The following SAMD5 variants were observed in gnomAD, a reference collection of about 807,000 sequenced individuals.
SAMD5 encodes the protein sterile alpha motif domain-containing protein 5.
A neutral mutation model predicts 11.3 loss-of-function variants in SAMD5; 13 were observed. That is an observed-to-expected ratio of 1.15 (90% confidence interval 0.75 to 1.83). The LOEUF is 1.83. Ranked by LOEUF, SAMD5 falls within the 40% of genes most tolerant of loss-of-function variation. The probability of loss-of-function intolerance (pLI) is 0.00; values close to 1 mark genes in which losing one functional copy is unlikely to be tolerated. For missense variants in SAMD5, 255 were observed against 239.1 expected, an observed-to-expected ratio of 1.07 and a Z score of -0.44; for synonymous variants, 129 against 111.3, an observed-to-expected ratio of 1.16 and a Z score of -1.00.
At chr6:147,783,550 C>G in the SAMD5 span, among the ~76,000 whole-genome samples, 5 of 151,902 alleles carry the variant, frequency 3.3e-5, no homozygotes, top group Non-Finnish European at 5.9e-5. Context: ...CCCACCACCA[C>G]GCCTGGCTAA....
At chr6:147,726,897 T>G (rs747561506) in intron 1 of SAMD5, among the ~76,000 whole-genome samples, 3 of 152,254 alleles carry the variant, frequency 2.0e-5, no homozygotes, top group Non-Finnish European at 4.4e-5. Flanking sequence ...TCTGCCTTAC[T>G]TCTTCTGTCA....
downstream of SAMD5, among the ~76,000 whole-genome samples, chr6:147,737,773 A>G (rs1019080606): frequency 7.1e-6 from 1 of 141,836 alleles, no homozygotes; most frequent in African/African-American, 2.7e-5. Context: ...TGTTATATAT[A>G]TATATATTAC....
intron 1 of SAMD5, 65 bp downstream of exon 1, chr6:147,509,452 T>G (rs1788054242): frequency 2.8e-6 from 4 of 1,418,058 alleles, no homozygotes; most frequent in Middle Eastern, 4.2e-4. Flanking sequence ...CAGCTGCCTG[T>G]GCCAAGGCTT....
chr6:147,678,957 T>C (rs1427370352), intron 1 of SAMD5, among the ~76,000 whole-genome samples: 2 of 152,142 alleles, frequency 1.3e-5, no homozygotes, highest in Non-Finnish European at 2.9e-5. Flanking sequence ...GTCTCAATAG[T>C]TCATTGCTTT....
chr6:147,825,068 G>A, the SAMD5 span, among the ~76,000 whole-genome samples: 31 of 152,182 alleles, frequency 2.0e-4, no homozygotes, highest in Non-Finnish European at 2.1e-4. Flanking sequence ...GCCGAGGTAG[G>A]GGGATCATCT....
chr6:147,750,897 G>C, the SAMD5 span, among the ~76,000 whole-genome samples: 2 of 152,170 alleles, frequency 1.3e-5, no homozygotes, highest in African/African-American at 4.8e-5. Flanking sequence ...ACTCCAGCCT[G>C]GTGACATTGC....
the SAMD5 span, among the ~76,000 whole-genome samples, chr6:147,896,245 G>A: frequency 6.6e-6 from 1 of 152,242 alleles, no homozygotes; most frequent in Admixed American, 6.5e-5. Context: ...GGTGGGTGTG[G>A]TGTGTCAGGG....
At chr6:147,898,696 G>C in the SAMD5 span, among the ~76,000 whole-genome samples, 8 of 152,224 alleles carry the variant, frequency 5.3e-5, no homozygotes, top group African/African-American at 1.9e-4. Context: ...AATTTGGGGA[G>C]AGCCTTGCTG....
intron 1 of SAMD5, among the ~76,000 whole-genome samples, chr6:147,734,377 T>C (rs1791760527): frequency 6.6e-6 from 1 of 152,144 alleles, no homozygotes; most frequent in African/African-American, 2.4e-5. Flanking sequence ...TTTGCCTCTT[T>C]CTGTGAAGAT....
the SAMD5 span, among the ~76,000 whole-genome samples, chr6:147,755,767 C>G: frequency 6.6e-6 from 1 of 152,004 alleles, no homozygotes; most frequent in African/African-American, 2.4e-5. Flanking sequence ...CTCATTTTGC[C>G]AGGGACCATG....
chr6:147,876,400 T>A, the SAMD5 span, among the ~76,000 whole-genome samples: 37 of 152,256 alleles, frequency 2.4e-4, no homozygotes, highest in African/African-American at 8.9e-4. Context: ...CTAAAAATGG[T>A]GGATTCCTCA....
chr6:147,554,691 T>C (rs1180191126), intron 1 of SAMD5, among the ~76,000 whole-genome samples: 1 of 152,176 alleles, frequency 6.6e-6, no homozygotes, highest in African/African-American at 2.4e-5. Context: ...CCCAGTTCCT[T>C]GGACTGAGCC....
intron 1 of SAMD5, among the ~76,000 whole-genome samples, chr6:147,732,295 C>G (rs1458597278): frequency 1.3e-5 from 2 of 152,122 alleles, no homozygotes; most frequent in Admixed American, 1.3e-4. Context: ...ACTTGAAAAT[C>G]TTCCTCATAT....
the SAMD5 span, among the ~76,000 whole-genome samples, chr6:147,797,704 C>CTT: frequency 7.2e-6 from 1 of 139,622 alleles, no homozygotes; most frequent in Non-Finnish European, 1.5e-5. Flanking sequence ...GTCCTGGACT[C>CTT]TTTTTGGTTG....
At chr6:147,648,624 G>A (rs1485933859) in intron 1 of SAMD5, among the ~76,000 whole-genome samples, 1 of 152,214 alleles carries the variant, frequency 6.6e-6, no homozygotes, top group African/African-American at 2.4e-5. Flanking sequence ...AACTCTGAAA[G>A]AGATATAAAC....
the SAMD5 span, among the ~76,000 whole-genome samples, chr6:147,841,127 G>T: frequency 6.6e-6 from 1 of 152,198 alleles, no homozygotes; most frequent in Non-Finnish European, 1.5e-5. Flanking sequence ...GACAACTCTG[G>T]AGATGGAGAT....
At chr6:147,637,750 C>A (rs1210049729) in intron 1 of SAMD5, among the ~76,000 whole-genome samples, 1 of 152,152 alleles carries the variant, frequency 6.6e-6, no homozygotes, top group African/African-American at 2.4e-5. Context: ...CTTACAGGTT[C>A]ATTCTCACTC....
chr6:147,936,444 A>G, the SAMD5 span, among the ~76,000 whole-genome samples: 1 of 135,234 alleles, frequency 7.4e-6, no homozygotes, highest in African/African-American at 2.7e-5. Flanking sequence ...GGCGAGGGGC[A>G]GTGGTGGGGG....
chr6:147,662,704 C>T (rs140510823), intron 1 of SAMD5, among the ~76,000 whole-genome samples: 1 of 152,286 alleles, frequency 6.6e-6, no homozygotes, highest in African/African-American at 2.4e-5. Flanking sequence ...ATATCACTAA[C>T]AGAATATTCT....
Sources: gnomAD v4.1 joint callset for allele counts (sites outside exome capture counted in the v4.1 genomes callset) on GRCh38, gnomAD v4.1.1 for gene constraint, MANE v1.5 for transcripts, NCBI Gene and HGNC (gene_info 2026-07-23, HGNC 2026-07-21) for gene names.